Variants in VPS8 observed in about 807,000 individuals in gnomAD.
VPS8 encodes VPS8 subunit of CORVET complex.
VPS8 carries 129 observed loss-of-function variants against 216.4 expected under a neutral mutation model. The ratio of observed to expected loss-of-function variants is 0.60; its 90% CI spans 0.52 to 0.69. VPS8 has a LOEUF of 0.69. VPS8 is among the 30% of genes least tolerant of loss of function. The pLI is 0.00. For missense variants in VPS8, 1,531 were observed against 1,683.5 expected (o/e 0.91, Z 1.59); for synonymous variants, 571 against 565.4 (o/e 1.01, Z -0.14).
At chr3:184,879,402 C>T (rs1729879344) in intron 21 of VPS8, among the ~76,000 whole-genome samples, 1 of 152,030 alleles carries the variant, frequency 6.6e-6, no homozygotes, top group African/African-American at 2.4e-5. Context: ...TGATTTCTTG[C>T]ATCCTGCAAG....
At position 184,834,684 on chromosome 3, in the gene VPS8, G is replaced by T; in HGVS notation, c.389G>T (p.Gly130Val). The change falls in exon 5 of 48, where the codon GGA (glycine) becomes GTA (valine). Residue 130 changes from glycine to valine, a missense_variant. Gly to Val is a moderately radical substitution (Grantham distance 109). Coordinates refer to ENST00000625842, the MANE Select transcript of VPS8 (RefSeq NM_001009921.3). ...TTACCTGATTCTTTTTCACTTCATG[G>T]ATCAGTTATGCGCCATTCACTTTTG... Reference protein sequence around the residue: ...KKLPDSFSLHGSVMRHSLLKG... With the variant: ...KKLPDSFSLHVSVMRHSLLKG... 6.4e-7 allele frequency: 1 copy of T among 1,557,658 alleles called. No homozygotes were observed.
chr3:184,897,780 A>G (rs1733779631), intron 23 of VPS8, among the ~76,000 whole-genome samples: 1 of 152,136 alleles, frequency 6.6e-6, no homozygotes, highest in South Asian at 2.1e-4. Context: ...TGTTTATAGT[A>G]TTATATAGCT....
intron 45 of VPS8, among the ~76,000 whole-genome samples, chr3:185,012,910 A>G (rs1755227764): frequency 1.3e-5 from 2 of 150,934 alleles, no homozygotes; most frequent in Non-Finnish European, 2.9e-5. Context: ...ATATTTACTG[A>G]CAGCAAGCCA....
intron 5 of VPS8, among the ~76,000 whole-genome samples, chr3:184,838,040 C>T (rs776168112): frequency 1.3e-5 from 2 of 152,190 alleles, no homozygotes; most frequent in Non-Finnish European, 2.9e-5. Context: ...AGAATTGATA[C>T]TCTTACATAT....
Position 184,995,707 on chromosome 3 carries a change from C to A in VPS8, c.3667-625C>A, listed in dbSNP as rs567577256. 7.2e-5 allele frequency among the ~76,000 whole-genome samples: 11 copies of A among 152,196 alleles called. No individual in the cohort carries two copies. In the South Asian group the frequency reaches 2.1e-3, roughly 29 times the overall value. On this transcript the variant is annotated intron_variant, in intron 43 of 47. Transcript: ENST00000625842. ...AACAATACTATATAAATACATAGAG[C>A]CTTAAAATGACTTAATGTGATAGCT...
chr3:184,982,337 G>A, intron 40 of VPS8: 1 of 501,260 alleles, frequency 2.0e-6, no homozygotes, highest in Non-Finnish European at 3.5e-6. Flanking sequence ...CGTTTCCCAG[G>A]GCTTCATGAT....
chr3:185,020,564 G>A (rs896531046), intron 45 of VPS8, among the ~76,000 whole-genome samples: 10 of 150,680 alleles, frequency 6.6e-5, no homozygotes, highest in African/African-American at 1.5e-4. Context: ...TGGACCTCCC[G>A]GGCTCAAGCA....
intron 23 of VPS8, among the ~76,000 whole-genome samples, chr3:184,896,032 A>G (rs1733412354): frequency 6.6e-6 from 1 of 152,142 alleles, no homozygotes; most frequent in South Asian, 2.1e-4. Flanking sequence ...GAAGACTAAC[A>G]AAAGTCTTAG....
At chr3:184,892,605 A>G (rs1732565807) in intron 22 of VPS8, among the ~76,000 whole-genome samples, 1 of 152,180 alleles carries the variant, frequency 6.6e-6, no homozygotes, top group Non-Finnish European at 1.5e-5. Context: ...GTTGAATATA[A>G]AAAAAATTTT....
chr3:185,028,701 G>A (rs188484097), intron 46 of VPS8, among the ~76,000 whole-genome samples: 1 of 152,294 alleles, frequency 6.6e-6, no homozygotes, highest in Non-Finnish European at 1.5e-5. Flanking sequence ...CTGAGTAAGT[G>A]TCCTTCCTTC....
intron 45 of VPS8, among the ~76,000 whole-genome samples, chr3:185,016,508 C>T (rs953398877): frequency 2.6e-5 from 4 of 152,182 alleles, no homozygotes; most frequent in Non-Finnish European, 5.9e-5. Flanking sequence ...CCAATGAAAA[C>T]GCTTAGCAGG....
chr3:184,826,792 A>C (rs1300542752), intron 3 of VPS8, among the ~76,000 whole-genome samples: 1 of 152,270 alleles, frequency 6.6e-6, no homozygotes, highest in Non-Finnish European at 1.5e-5. Flanking sequence ...ACTCTTCTAC[A>C]TGAAGAAAAC....
intron 28 of VPS8, among the ~76,000 whole-genome samples, chr3:184,917,280 GA>G (rs1737762563): frequency 6.6e-6 from 1 of 152,084 alleles, no homozygotes; most frequent in African/African-American, 2.4e-5. Flanking sequence ...TCAAGTAATT[GA>G]AAAAAATTCA....
Position 184,866,966 on chromosome 3 carries a change from CT to C in VPS8, c.1470+17del. Reference sequence around the variant, plus strand: ...GGGGACAAAAGTAAGCTCTTTTACTCTGTGAGTTGGTATTTGTATGTATCAG... The same window carrying C: ...GGGGACAAAAGTAAGCTCTTTTACTCGTGAGTTGGTATTTGTATGTATCAG... On this transcript the variant is annotated intron_variant, in intron 17 of 47. Coordinates refer to ENST00000625842, the MANE Select transcript of VPS8 (RefSeq NM_001009921.3). The C allele has an allele frequency of 1.2e-6, 2 of 1,610,354 alleles. No homozygotes were observed. The highest frequency in any genetic ancestry group is 2.7e-5 in the African/African-American group (2 of 74,830).
intron 40 of VPS8, 102 bp downstream of exon 40, chr3:184,971,854 C>G: frequency 1.2e-6 from 1 of 863,300 alleles, no homozygotes; most frequent in Non-Finnish European, 1.8e-6. Context: ...ACGGACAGAT[C>G]ACCTGAGGTC....
intron 46 of VPS8, among the ~76,000 whole-genome samples, chr3:185,027,235 CTTTTTTT>C (rs893256183): frequency 1.1e-5 from 1 of 87,760 alleles, no homozygotes; most frequent in Non-Finnish European, 2.1e-5. Context: ...TTTTTATGTT[CTTTTTTT>C]TTTTTTTTTT....
rs761716977 is a variant in VPS8, at chr3:184,860,041, A to C, written c.1200A>C (p.Leu400=). 1 of 1,612,630 alleles carries C rather than the reference A, an allele frequency of 6.2e-7. No homozygotes were observed. Among genetic ancestry groups the C allele is most frequent in the Admixed American group, 1.7e-5 (1 of 59,970 alleles). ...TTACTAAGCAAAAGCATCTTCACCT[A>C]TACTATGACCTCATCAACTTTACCG... ...IHVTKQKHLH[L]YYDLINFTWI... The change falls in exon 15 of 48, where the codon CTA becomes CTC. Residue 400 remains leucine, a synonymous_variant. Transcript: ENST00000625842.
chr3:184,900,410 C>G (rs1734272270), intron 24 of VPS8, among the ~76,000 whole-genome samples: 1 of 152,134 alleles, frequency 6.6e-6, no homozygotes, highest in African/African-American at 2.4e-5. Flanking sequence ...CTTTTTGATG[C>G]TAATGGCAGC....
Position 184,867,186 on chromosome 3 carries a change from C to G in VPS8, c.1470+236C>G, listed in dbSNP as rs138330036. On this transcript the variant is annotated intron_variant, in intron 17 of 47. Coordinates refer to ENST00000625842, the MANE Select transcript of VPS8 (RefSeq NM_001009921.3). ...TAATAGGATGCTTATTTTCTTGATT[C>G]AGAGATGTGCTTTTGTAAGCTTCCT... Among the ~76,000 whole-genome samples, 947 of 152,178 alleles carry G rather than the reference C, an allele frequency of 6.2e-3. 8 individuals are homozygous for G. The highest frequency in any genetic ancestry group is 0.016 in the African/African-American group (670 of 41,510).
Sources: gnomAD v4.1 joint callset for allele counts (sites outside exome capture counted in the v4.1 genomes callset) on GRCh38, gnomAD v4.1.1 for gene constraint, MANE v1.5 for transcripts, NCBI Gene and HGNC (gene_info 2026-07-23, HGNC 2026-07-21) for gene names.